The following EPHB1 variants were observed in gnomAD, a reference collection of about 807,000 sequenced individuals.
EPHB1 encodes ephrin type-B receptor 1.
In EPHB1, 30 loss-of-function variants were observed where a neutral mutation model predicts 94.4. The observed-to-expected ratio is 0.32, with a 90% CI of 0.24 to 0.43. The LOEUF is 0.43. Ranked by LOEUF, EPHB1 falls within the 20% of genes least tolerant of loss-of-function variation. The pLI is 1.00. For missense variants in EPHB1, 1,055 were observed against 1,308.3 expected (o/e 0.81, Z 2.99); for synonymous variants, 522 against 489.1 (o/e 1.07, Z -0.89).
At chr3:135,208,290 C>CGTGTGTGTGT (rs55947191) in intron 12 of EPHB1, among the ~76,000 whole-genome samples, 289 of 142,778 alleles carry the variant, frequency 2.0e-3, no homozygotes, top group East Asian at 6.6e-3. Context: ...CCTTTCATGA[C>CGTGTGTGTGT]GTGTGTGTGT....
At chr3:135,151,653 G>A (rs1941199052) in intron 5 of EPHB1, among the ~76,000 whole-genome samples, 1 of 152,146 alleles carries the variant, frequency 6.6e-6, no homozygotes, top group Non-Finnish European at 1.5e-5. Context: ...AAAAGTGACT[G>A]GTACTTGACA....
intron 3 of EPHB1, among the ~76,000 whole-genome samples, chr3:135,020,220 C>T (rs953501843): frequency 2.0e-5 from 3 of 152,248 alleles, no homozygotes; most frequent in Admixed American, 6.5e-5. Flanking sequence ...TATTTCTTCC[C>T]GTTGGTTATT....
At chr3:134,813,108 C>A (rs573059478) in intron 1 of EPHB1, among the ~76,000 whole-genome samples, 9 of 152,218 alleles carry the variant, frequency 5.9e-5, no homozygotes, top group East Asian at 1.9e-4. Flanking sequence ...GGGCCATGAT[C>A]TTCTCAACAT....
intron 15 of EPHB1, among the ~76,000 whole-genome samples, chr3:135,250,712 CACAT>C (rs1302741615): frequency 2.6e-5 from 4 of 152,110 alleles, no homozygotes; most frequent in African/African-American, 9.7e-5. Context: ...CAAACACACA[CACAT>C]ACACACACAC....
intron 3 of EPHB1, among the ~76,000 whole-genome samples, chr3:134,981,840 C>G (rs1934411432): frequency 1.3e-5 from 2 of 152,194 alleles, no homozygotes; most frequent in African/African-American, 4.8e-5. Context: ...TAGCTGGACT[C>G]TCCATGAAGA....
intron 3 of EPHB1, among the ~76,000 whole-genome samples, chr3:135,050,940 G>A (rs1430712483): frequency 6.6e-6 from 1 of 151,680 alleles, no homozygotes; most frequent in Non-Finnish European, 1.5e-5. Flanking sequence ...GTGTGTGTGT[G>A]TGTGTGTTTA....
chr3:135,060,991 C>A (rs1333405528), intron 3 of EPHB1, among the ~76,000 whole-genome samples: 1 of 151,966 alleles, frequency 6.6e-6, no homozygotes, highest in African/African-American at 2.4e-5. Context: ...CTCTCTTTGT[C>A]CATGAGTTCA....
chr3:134,978,047 T>A (rs768246043), intron 3 of EPHB1: 1 of 451,492 alleles, frequency 2.2e-6, no homozygotes, highest in Admixed American at 2.4e-5. Context: ...TCACACAGCC[T>A]CCTCTGCATC....
intron 1 of EPHB1, among the ~76,000 whole-genome samples, chr3:134,910,825 G>A (rs767630699): frequency 3.9e-5 from 6 of 152,092 alleles, no homozygotes; most frequent in East Asian, 1.9e-4. Context: ...CTCATGGGTC[G>A]GCCCTTGGTG....
chr3:135,061,435 G>T (rs891625346), intron 3 of EPHB1, among the ~76,000 whole-genome samples: 5 of 131,152 alleles, frequency 3.8e-5, no homozygotes, highest in African/African-American at 1.4e-4. Context: ...TCATGGCTTA[G>T]CTCCCACTTA....
chr3:135,202,737 C>T (rs148824287), intron 12 of EPHB1, among the ~76,000 whole-genome samples: 1,938 of 152,302 alleles, frequency 0.013, 49 homozygotes, highest in African/African-American at 0.044. Flanking sequence ...GCTGGTGAGG[C>T]TGTGGAGAAA....
At chr3:135,219,687 T>G (rs1943232935) in intron 12 of EPHB1, among the ~76,000 whole-genome samples, 1 of 152,266 alleles carries the variant, frequency 6.6e-6, no homozygotes, top group Non-Finnish European at 1.5e-5. Context: ...GCAGAAGCAT[T>G]GCCTTCCAAG....
At chr3:134,893,190 TTAG>T (rs895591160) in intron 1 of EPHB1, among the ~76,000 whole-genome samples, 50 of 152,300 alleles carry the variant, frequency 3.3e-4, no homozygotes, top group African/African-American at 1.2e-3. Flanking sequence ...ACAGACTTAA[TTAG>T]TTGCATAATT....
chr3:135,061,688 C>G (rs1937512808), intron 3 of EPHB1, among the ~76,000 whole-genome samples: 1 of 151,778 alleles, frequency 6.6e-6, no homozygotes, highest in African/African-American at 2.4e-5. Flanking sequence ...TGTGGGTGTG[C>G]TGCACCCATT....
intron 5 of EPHB1, among the ~76,000 whole-genome samples, chr3:135,150,779 T>C (rs1576428447): frequency 6.6e-6 from 1 of 152,354 alleles, no homozygotes; most frequent in East Asian, 1.9e-4. Context: ...ATCTGTGAAA[T>C]ATTGGTGACT....
At chr3:134,875,675 G>C (rs1054961203) in intron 1 of EPHB1, among the ~76,000 whole-genome samples, 21 of 152,100 alleles carry the variant, frequency 1.4e-4, no homozygotes, top group Non-Finnish European at 2.4e-4. Flanking sequence ...TTTTTGAGCG[G>C]GCTGGAAACA....
intron 3 of EPHB1, among the ~76,000 whole-genome samples, chr3:134,964,311 G>T (rs1366896298): frequency 6.6e-6 from 1 of 152,198 alleles, no homozygotes; most frequent in African/African-American, 2.4e-5. Context: ...CAGAGGCCTT[G>T]TCTGTCTGTT....
intron 1 of EPHB1, among the ~76,000 whole-genome samples, chr3:134,813,641 C>A (rs1459814154): frequency 6.6e-6 from 1 of 152,162 alleles, no homozygotes; most frequent in Non-Finnish European, 1.5e-5. Context: ...CAAGAGGTTT[C>A]CAGCTTTTCT....
chr3:135,172,190 T>C (rs1501219), intron 9 of EPHB1, among the ~76,000 whole-genome samples: 136,681 of 152,222 alleles, frequency 0.9, 62,578 homozygotes, highest in East Asian at 1. Flanking sequence ...CAAAGAGACT[T>C]GGAAATGCCA....
Sources: allele counts gnomAD v4.1 joint callset (sites outside exome capture counted in the v4.1 genomes callset), GRCh38; gene constraint gnomAD v4.1.1; transcripts MANE v1.5; gene names NCBI Gene and HGNC (gene_info 2026-07-23, HGNC 2026-07-21).